NDUFAF6: variants seen among roughly 807,000 people sequenced by gnomAD.
NDUFAF6 encodes NADH:ubiquinone oxidoreductase complex assembly factor 6, also known as NADH dehydrogenase (ubiquinone) complex I, assembly factor 6.
Under a neutral mutation model 40.8 loss-of-function variants are expected in NDUFAF6, and 45 were observed. That is an observed-to-expected ratio of 1.10 (90% confidence interval 0.87 to 1.42). NDUFAF6 has a LOEUF of 1.42. Among genes scored for constraint, NDUFAF6 ranks in the 40% most tolerant of loss-of-function variants. NDUFAF6 has a pLI of 0.00. For synonymous variants in NDUFAF6, 185 were observed against 155.9 expected, an observed-to-expected ratio of 1.19 and a Z score of -1.39; for missense variants, 435 against 418.5, an observed-to-expected ratio of 1.04 and a Z score of -0.34.
At chr8:94,998,442 T>C (rs1826561527) in intron 2 of NDUFAF6, among the ~76,000 whole-genome samples, 1 of 151,798 alleles carries the variant, frequency 6.6e-6, no homozygotes, top group African/African-American at 2.4e-5. Context: ...TTAAGGATAC[T>C]GTATTGTAAC....
Position 94,910,149 on chromosome 8 carries a change from T to G in NDUFAF6, c.-936+14222T>G, listed in dbSNP as rs560139481. On this transcript the variant is annotated intron_variant, in intron 1 of 14. Transcript: ENST00000396113. ...GCCCATTTAGGAACTTTTTTTTGTT[T>G]GTTTTTTTGGTTTTTTTTTATTGGA... 5.5e-4 allele frequency among the ~76,000 whole-genome samples: 84 copies of G among 152,174 alleles called. 1 individual carries two copies. Among genetic ancestry groups the G allele is most frequent in the African/African-American group, 2.0e-3 (81 of 41,516 alleles).
intron 4 of NDUFAF6, among the ~76,000 whole-genome samples, chr8:95,044,746 G>A (rs1476324237): frequency 2.0e-5 from 3 of 150,628 alleles, no homozygotes; most frequent in East Asian, 3.9e-4. Flanking sequence ...ATGAGCCACC[G>A]CACCCAGCCT....
intron 9 of NDUFAF6, among the ~76,000 whole-genome samples, chr8:95,064,569 G>A (rs774210494): frequency 7.2e-5 from 11 of 152,130 alleles, no homozygotes; most frequent in South Asian, 2.1e-4. Context: ...GTGTGCGCGC[G>A]TGCGTGTGCA....
chr8:94,950,888 G>A (rs1055596954), intron 2 of NDUFAF6: 2 of 152,136 alleles, frequency 1.3e-5, no homozygotes, highest in Non-Finnish European at 2.9e-5. Flanking sequence ...GTTTATCATG[G>A]TTAAAGCAAC....
intron 2 of NDUFAF6, among the ~76,000 whole-genome samples, chr8:94,948,532 G>C (rs991887873): frequency 9.2e-5 from 14 of 152,326 alleles, no homozygotes; most frequent in African/African-American, 3.4e-4. Flanking sequence ...GCCGCGGACA[G>C]GCGGGGGCCG....
At chr8:95,096,943 T>C (rs1413398520), upstream of NDUFAF6, among the ~76,000 whole-genome samples, 2 of 152,198 alleles carry the variant, frequency 1.3e-5, no homozygotes, top group Admixed American at 1.3e-4. Flanking sequence ...TGTTGTGCAA[T>C]TTCAGAGAGG....
chr8:94,953,360 A>C (rs560787308), upstream of NDUFAF6, among the ~76,000 whole-genome samples: 2 of 151,792 alleles, frequency 1.3e-5, no homozygotes, highest in South Asian at 4.2e-4. Flanking sequence ...AAAAAAAAAA[A>C]CAAAAAAAAA....
At chr8:95,100,569 C>G (rs1423165326) in intron 1 of NDUFAF6, 1 of 152,074 alleles carries the variant, frequency 6.6e-6, no homozygotes, top group South Asian at 2.1e-4. Context: ...TTATGTTAAA[C>G]CAATTTATCC....
chr8:95,087,653 T>C (rs1357589648), intron 2 of NDUFAF6: 1 of 152,288 alleles, frequency 6.6e-6, no homozygotes, highest in Non-Finnish European at 1.5e-5. Context: ...CACCATTCTG[T>C]GCCTCCATGA....
intron 9 of NDUFAF6, among the ~76,000 whole-genome samples, chr8:95,064,038 ATTTTTTTTTTTT>A (rs1160777112): frequency 3.8e-5 from 4 of 104,808 alleles, no homozygotes; most frequent in African/African-American, 1.0e-4. Context: ...CGCCTGGCTA[ATTTTTTTTTTTT>A]TTTTTTTTTT....
intron 9 of NDUFAF6, among the ~76,000 whole-genome samples, chr8:95,063,732 A>G (rs1277505032): frequency 6.6e-6 from 1 of 152,210 alleles, no homozygotes; most frequent in Non-Finnish European, 1.5e-5. Context: ...ACAGGCCTAC[A>G]TAATGAATTT....
chr8:95,057,574 G>T lies in NDUFAF6; in HGVS notation c.874-235G>T, dbSNP rs140647340. 5.3e-3 allele frequency among the ~76,000 whole-genome samples: 811 copies of T among 152,222 alleles called. 3 individuals are homozygous for T. Among genetic ancestry groups the T allele is most frequent in the Admixed American group, 0.011 (165 of 15,300 alleles). ...TCTTAACCAAAGCTTTTTATATTAT[G>T]AGCAGAAGAGGCTTGGCTTTTCTGG... On this transcript the variant is annotated intron_variant, in intron 8 of 8. Coordinates refer to ENST00000396124, the MANE Select transcript of NDUFAF6 (RefSeq NM_152416.4).
At chr8:95,033,492 A>G (rs1317619645) in intron 2 of NDUFAF6, among the ~76,000 whole-genome samples, 1 of 152,194 alleles carries the variant, frequency 6.6e-6, no homozygotes, top group Admixed American at 6.5e-5. Context: ...GAATGCAGAG[A>G]CTTTACATAG....
intron 1 of NDUFAF6, among the ~76,000 whole-genome samples, chr8:95,031,095 G>C (rs1196484273): frequency 6.6e-6 from 1 of 152,214 alleles, no homozygotes; most frequent in Non-Finnish European, 1.5e-5. Flanking sequence ...CCAACATTGT[G>C]GGGGTCACAT....
At chr8:95,078,618 C>G (rs980737152), downstream of NDUFAF6, 2 of 148,624 alleles carry the variant, frequency 1.3e-5, no homozygotes, top group Non-Finnish European at 3.0e-5. Context: ...TGCATTCCAG[C>G]CTGGGTGACA....
rs576681448 is a variant in NDUFAF6 at position 95,045,573 on chromosome 8, G to A, written c.506G>A (p.Arg169His). The A allele has an allele frequency of 7.4e-6, 12 of 1,613,100 alleles. No individual in the cohort carries two copies. The highest frequency in any genetic ancestry group is 5.5e-5 in the South Asian group (5 of 91,062). ...REKNLDDKAY[R>H]NIKELENYAE... ...AAAAATCTGGATGACAAAGCATATC[G>A]TAATATCAAGGAACTGGAAAATTAT... Residue 169 changes from arginine (R) to histidine (H), a missense_variant, in exon 5 of 9, where the codon CGT (arginine) becomes CAT (histidine). Transcript: ENST00000396124.
intron 1 of NDUFAF6, among the ~76,000 whole-genome samples, chr8:95,029,522 T>TC (rs536435311): frequency 3.1e-4 from 47 of 152,336 alleles, no homozygotes; most frequent in African/African-American, 1.1e-3. Context: ...TTAAAATTGA[T>TC]CCAGTATTAC....
chr8:95,046,937 T>C, intron 5 of NDUFAF6, 57 bp from the exon 6 acceptor site: 1 of 1,606,848 alleles, frequency 6.2e-7, no homozygotes, highest in Non-Finnish European at 8.5e-7. Flanking sequence ...ATGCTATTTC[T>C]ATTGATTTAT....
intron 1 of NDUFAF6, among the ~76,000 whole-genome samples, chr8:94,973,402 A>G (rs1205143464): frequency 1.3e-5 from 2 of 152,196 alleles, no homozygotes; most frequent in African/African-American, 2.4e-5. Flanking sequence ...AAGATGCCCA[A>G]CTATGAATCA....
Sources: allele counts gnomAD v4.1 joint callset (sites outside exome capture counted in the v4.1 genomes callset), GRCh38; gene constraint gnomAD v4.1.1; transcripts MANE v1.5; gene names NCBI Gene and HGNC (gene_info 2026-07-23, HGNC 2026-07-21).